Variants in MACROD2 observed in about 807,000 individuals in gnomAD.
MACROD2 encodes mono-ADP ribosylhydrolase 2, also known as ADP-ribose glycohydrolase MACROD2.
In MACROD2, 36 loss-of-function variants were observed where a neutral mutation model predicts 70.4. The observed-to-expected ratio is 0.51, with a 90% CI of 0.39 to 0.68. The LOEUF is 0.68. Ranked by LOEUF, MACROD2 falls within the 30% of genes least tolerant of loss-of-function variation. The pLI is 0.00. For synonymous variants in MACROD2, 172 were observed against 178.8 expected (o/e 0.96, Z 0.30); for missense variants, 496 against 538.4 (o/e 0.92, Z 0.78).
intron 8 of MACROD2, among the ~76,000 whole-genome samples, chr20:15,815,528 G>A (rs1490944612): frequency 1.3e-5 from 2 of 151,862 alleles, no homozygotes; most frequent in Non-Finnish European, 2.9e-5. Flanking sequence ...GTCTCCCTTG[G>A]GTAGACAAGA....
intron 8 of MACROD2, among the ~76,000 whole-genome samples, chr20:15,595,367 T>C (rs553486669): frequency 3.9e-5 from 6 of 152,206 alleles, no homozygotes; most frequent in Non-Finnish European, 8.8e-5. Flanking sequence ...AGGAATAAAC[T>C]TTATGGAAAG....
chr20:14,280,530 A>C (rs1309759172), intron 3 of MACROD2, among the ~76,000 whole-genome samples: 1 of 152,190 alleles, frequency 6.6e-6, no homozygotes, highest in Non-Finnish European at 1.5e-5. Flanking sequence ...CAGGTATCTG[A>C]CTAGGACCAA....
chr20:15,384,102 C>T (rs189577440), intron 6 of MACROD2, among the ~76,000 whole-genome samples: 7 of 152,180 alleles, frequency 4.6e-5, no homozygotes, highest in Non-Finnish European at 1.0e-4. Flanking sequence ...ACTCTATAAC[C>T]TTCTTAATGA....
At chr20:15,382,431 A>T (rs1160776957) in intron 6 of MACROD2, among the ~76,000 whole-genome samples, 2 of 152,136 alleles carry the variant, frequency 1.3e-5, no homozygotes, top group Non-Finnish European at 2.9e-5. Context: ...TTAATGAAAG[A>T]ATTATATTTA....
At chr20:15,897,687 G>A (rs2064994509) in intron 10 of MACROD2, among the ~76,000 whole-genome samples, 1 of 151,394 alleles carries the variant, frequency 6.6e-6, no homozygotes, top group Non-Finnish European at 1.5e-5. Flanking sequence ...TTCTAATATA[G>A]TTTTCTTTTT....
rs993916749 is a variant in MACROD2 at position 15,336,846 on chromosome 20, T to TCC, written c.541-94559_541-94558insCC. 2.6e-5 allele frequency among the ~76,000 whole-genome samples: 4 copies of TCC among 151,340 alleles called. 1 individual carries two copies. The highest frequency in any genetic ancestry group is 9.7e-5 in the African/African-American group (4 of 41,030). ...TTTTGACTTTGATGATTTCCCAAGA[T>TCC]ATTGCATGTGTGAGGTGAGGAGGGT... On this transcript the variant is annotated intron_variant, in intron 6 of 17. Coordinates refer to ENST00000684519, the MANE Select transcript of MACROD2 (RefSeq NM_001351661.2).
At chr20:15,099,012 A>G (rs1207111892) in intron 5 of MACROD2, among the ~76,000 whole-genome samples, 5 of 152,256 alleles carry the variant, frequency 3.3e-5, no homozygotes, top group Admixed American at 3.3e-4. Context: ...GTTTTGGCTG[A>G]GAGGCCACCA....
At chr20:15,647,561 G>T (rs538021882) in intron 8 of MACROD2, among the ~76,000 whole-genome samples, 1 of 151,888 alleles carries the variant, frequency 6.6e-6, no homozygotes, top group Non-Finnish European at 1.5e-5. Context: ...TTTTCTTTCC[G>T]TTTTTGGTAA....
chr20:15,623,639 A>G (rs2049158550), intron 8 of MACROD2, among the ~76,000 whole-genome samples: 2 of 152,038 alleles, frequency 1.3e-5, no homozygotes, highest in Admixed American at 6.6e-5. Flanking sequence ...TAAAACCACA[A>G]CTCAGAAATC....
chr20:15,679,054 T>C (rs929219447), intron 8 of MACROD2, among the ~76,000 whole-genome samples: 11 of 152,140 alleles, frequency 7.2e-5, no homozygotes, highest in African/African-American at 2.6e-4. Flanking sequence ...CTAGTCAGCA[T>C]GGTGAAACCC....
intron 8 of MACROD2, among the ~76,000 whole-genome samples, chr20:15,603,445 C>T (rs461936): frequency 0.22 from 33,277 of 148,588 alleles, 5,033 homozygotes; most frequent in African/African-American, 0.44. Context: ...GAGGTGGAGG[C>T]TGCAGTGAGC....
intron 4 of MACROD2, among the ~76,000 whole-genome samples, chr20:14,563,186 T>A (rs943125464): frequency 6.6e-6 from 1 of 151,798 alleles, no homozygotes; most frequent in Non-Finnish European, 1.5e-5. Flanking sequence ...CTCCTCTGCC[T>A]GTATGACTGA....
chr20:14,069,400 CCTTTGGACAGGGCAT>C (rs1246218765), intron 2 of MACROD2, among the ~76,000 whole-genome samples: 1 of 151,970 alleles, frequency 6.6e-6, no homozygotes, highest in Non-Finnish European at 1.5e-5. Flanking sequence ...GAGGCAACAT[CCTTTGGACAGGGCAT>C]TCTTTGCTTT....
At chr20:15,266,905 C>T (rs2077300022) in intron 6 of MACROD2, among the ~76,000 whole-genome samples, 1 of 152,222 alleles carries the variant, frequency 6.6e-6, no homozygotes, top group Non-Finnish European at 1.5e-5. Flanking sequence ...TTCGCACAAG[C>T]CTGTATTCTA....
At chr20:15,843,711 TA>T (rs978536469) in intron 8 of MACROD2, among the ~76,000 whole-genome samples, 47 of 152,300 alleles carry the variant, frequency 3.1e-4, no homozygotes, top group African/African-American at 9.4e-4. Flanking sequence ...AATATCATAA[TA>T]ATTACATCAA....
At chr20:15,413,892 A>C (rs746885951) in intron 6 of MACROD2, among the ~76,000 whole-genome samples, 3 of 152,150 alleles carry the variant, frequency 2.0e-5, no homozygotes, top group Non-Finnish European at 4.4e-5. Flanking sequence ...GCTCACACAG[A>C]AAAGCACCTG....
chr20:15,143,961 G>A (rs57829852), intron 5 of MACROD2, among the ~76,000 whole-genome samples: 84,871 of 138,450 alleles, frequency 0.61, 25,193 homozygotes, highest in East Asian at 0.7. Context: ...AAAAAAAATC[G>A]CAAAAAAAAA....
At chr20:15,249,363 A>G (rs2077134028) in intron 6 of MACROD2, among the ~76,000 whole-genome samples, 1 of 152,160 alleles carries the variant, frequency 6.6e-6, no homozygotes, top group Non-Finnish European at 1.5e-5. Flanking sequence ...GAACCACTGC[A>G]CTGGTCTCCT....
chr20:15,704,101 T>C (rs1345946481), intron 8 of MACROD2, among the ~76,000 whole-genome samples: 1 of 152,240 alleles, frequency 6.6e-6, no homozygotes. Flanking sequence ...GTCAGGGCTT[T>C]TGCCTTTGCT....
Sources: gnomAD v4.1 joint callset for allele counts (sites outside exome capture counted in the v4.1 genomes callset) on GRCh38, gnomAD v4.1.1 for gene constraint, MANE v1.5 for transcripts, NCBI Gene and HGNC (gene_info 2026-07-23, HGNC 2026-07-21) for gene names.